TAB2: variants seen among roughly 807,000 people sequenced by gnomAD.
TAB2 encodes TGF-beta activated kinase 1 (MAP3K7) binding protein 2, also known as TGF-beta-activated kinase 1 and MAP3K7-binding protein 2.
A neutral mutation model predicts 65.0 loss-of-function variants in TAB2; 3 were observed. That is an observed-to-expected ratio of 0.05 (90% CI 0.02 to 0.12). TAB2 has a LOEUF of 0.12. Among genes scored for constraint, TAB2 ranks in the 10% least tolerant of loss-of-function variants. The pLI is 1.00. For missense variants in TAB2, 623 were observed against 840.3 expected (o/e 0.74, Z 3.20); for synonymous variants, 298 against 285.1 (o/e 1.05, Z -0.46).
chr6:149,217,978 A>G (rs1473278830), upstream of TAB2: 1 of 152,182 alleles, frequency 6.6e-6, no homozygotes, highest in African/African-American at 2.4e-5. Flanking sequence ...AGCTGGAGCA[A>G]CAGTCTCAGA....
At chr6:149,365,618 C>T (rs962201316) in intron 1 of TAB2, among the ~76,000 whole-genome samples, 2 of 151,676 alleles carry the variant, frequency 1.3e-5, no homozygotes, top group African/African-American at 4.8e-5. Flanking sequence ...TTTTTCTATT[C>T]GGGATTTGCT....
Position 149,411,461 on chromosome 6 carries a change from A to C in TAB2, c.*1742A>C, listed in dbSNP as rs1440543680. 6.5e-6 allele frequency: 1 copy of C among 152,710 alleles called. No individual in the cohort carries two copies. Among genetic ancestry groups the C allele is most frequent in the Non-Finnish European group, 1.5e-5 (1 of 68,038 alleles). 9.5% of individuals were successfully genotyped at this position (152,710 alleles called of 1,614,324 possible). A position where few individuals can be genotyped will look rare whatever the true frequency, so the allele number is the denominator to read the frequency against. On this transcript the variant is annotated 3_prime_UTR_variant, in exon 7 of 7. Coordinates refer to ENST00000637181, the MANE Select transcript of TAB2 (RefSeq NM_001292034.3). ...GTTTTTCAGCTTCATCTGCAGTTCT[A>C]TGTGAAGATTGATAAATCAGTTTTT...
intron 1 of TAB2, among the ~76,000 whole-genome samples, chr6:149,352,360 GT>G (rs960946069): frequency 2.0e-5 from 3 of 152,116 alleles, no homozygotes; most frequent in African/African-American, 7.2e-5. Flanking sequence ...TGCAGAATCT[GT>G]TTGTGTATAC....
intron 1 of TAB2, among the ~76,000 whole-genome samples, chr6:149,308,160 G>T (rs1336074232): frequency 6.6e-6 from 1 of 152,116 alleles, no homozygotes; most frequent in Non-Finnish European, 1.5e-5. Flanking sequence ...ACTATTATAA[G>T]GAAGGTTGAG....
chr6:149,362,314 G>A lies in TAB2; in HGVS notation c.-89-7595G>A, dbSNP rs549685332. Among the ~76,000 whole-genome samples the A allele has an allele frequency of 4.6e-5, 7 of 152,320 alleles. No individual in the cohort carries two copies. In the South Asian group the frequency reaches 1.0e-3, roughly 23 times the overall value. On this transcript the variant is annotated intron_variant, in intron 1 of 6. Transcript: ENST00000637181. ...AAGCATGGTGCTGGGCATCTGCTTC[G>A]CTTCTGGCGGGACCTCAGGAAGCTT...
rs762769341 is a variant in TAB2 at position 149,397,721 on chromosome 6, G to A, written c.1721G>A (p.Arg574Gln). 80 of 1,613,772 alleles carry A rather than the reference G, an allele frequency of 5.0e-5. No individual in the cohort carries two copies. Among genetic ancestry groups the A allele is most frequent in the South Asian group, 6.6e-5 (6 of 91,070 alleles). ...AATGAAATGGAAAATAATCTAACTC[G>A]AAGGCGCCTGAAAAGATCAAATTCT... Reference protein sequence around the residue: ...EVNEMENNLTRRRLKRSNSIS... With the variant: ...EVNEMENNLTQRRLKRSNSIS... Residue 574 changes from arginine (R) to glutamine (Q), a missense_variant, in exon 4 of 7, where the codon CGA becomes CAA. This residue lies in a region of TAB2 where 550 missense variants were observed against 665.7 expected (regional missense o/e 0.83). Coordinates refer to ENST00000637181, the MANE Select transcript of TAB2 (RefSeq NM_001292034.3).
upstream of TAB2, among the ~76,000 whole-genome samples, chr6:149,317,023 C>T (rs1779271440): frequency 6.6e-6 from 1 of 150,580 alleles, no homozygotes; most frequent in South Asian, 2.1e-4. The surrounding 1 kb of genome is among the most constrained non-coding windows in gnomAD (Gnocchi z 4.7). Flanking sequence ...TCCTCTCGGC[C>T]GCCGCAGCGC....
At chr6:149,330,823 C>G in intron 1 of TAB2, among the ~76,000 whole-genome samples, 1 of 152,018 alleles carries the variant, frequency 6.6e-6, no homozygotes, top group East Asian at 1.9e-4. Context: ...TGGATTGTGC[C>G]TTTCTTGTCA....
At chr6:149,256,787 T>C (rs149732224) in intron 1 of TAB2, among the ~76,000 whole-genome samples, 1 of 152,198 alleles carries the variant, frequency 6.6e-6, no homozygotes, top group Non-Finnish European at 1.5e-5. Flanking sequence ...AGCCTTTATA[T>C]TAGAGTTTTC....
intron 6 of TAB2, 75 bp downstream of exon 6, chr6:149,399,259 A>G (rs1782283745): frequency 9.2e-7 from 1 of 1,091,450 alleles, no homozygotes; most frequent in Admixed American, 1.9e-5. Context: ...CTGTTCAGCA[A>G]CCTTCCTCTC....
At chr6:149,310,334 CA>C (rs1779146970) in intron 1 of TAB2, among the ~76,000 whole-genome samples, 1 of 151,866 alleles carries the variant, frequency 6.6e-6, no homozygotes, top group African/African-American at 2.4e-5. Context: ...GACCCCATCT[CA>C]AAACAAAAAC....
At chr6:149,236,167 T>C (rs1394456880) in intron 1 of TAB2, among the ~76,000 whole-genome samples, 1 of 152,140 alleles carries the variant, frequency 6.6e-6, no homozygotes, top group Non-Finnish European at 1.5e-5. Context: ...CGCACTAAAA[T>C]ACCAGGCTTC....
chr6:149,375,760 T>G (rs1279474055), intron 2 of TAB2, among the ~76,000 whole-genome samples: 1 of 152,182 alleles, frequency 6.6e-6, no homozygotes, highest in Non-Finnish European at 1.5e-5. Flanking sequence ...ATAGGAATCG[T>G]TGATAAAGAT....
intron 1 of TAB2, among the ~76,000 whole-genome samples, chr6:149,362,861 TA>T (rs1352249267): frequency 6.6e-6 from 1 of 152,164 alleles, no homozygotes; most frequent in Non-Finnish European, 1.5e-5. Context: ...TCTAAATCTA[TA>T]ACTTAAGTAC....
intron 3 of TAB2, among the ~76,000 whole-genome samples, chr6:149,385,832 A>G (rs1781789967): frequency 6.6e-6 from 1 of 152,212 alleles, no homozygotes; most frequent in East Asian, 1.9e-4. Flanking sequence ...CATTAAATTA[A>G]TACCTTTAAA....
intron 1 of TAB2, among the ~76,000 whole-genome samples, chr6:149,266,269 CCGTGTGTCTGTGTCTTTGTA>C (rs1461488787): frequency 1.2e-4 from 18 of 152,150 alleles, no homozygotes; most frequent in Admixed American, 1.0e-3. Context: ...CACAGGTTGT[CCGTGTGTCTGTGTCTTTGTA>C]CGTGTGTCTG....
At chr6:149,266,199 C>T (rs986065279) in intron 1 of TAB2, among the ~76,000 whole-genome samples, 7 of 152,144 alleles carry the variant, frequency 4.6e-5, no homozygotes, top group Admixed American at 3.9e-4. Flanking sequence ...ATGTGTGAAC[C>T]GTACAAGGAC....
At chr6:149,377,447 C>G (rs570493267) in intron 2 of TAB2, among the ~76,000 whole-genome samples, 1 of 151,756 alleles carries the variant, frequency 6.6e-6, no homozygotes, top group Admixed American at 6.6e-5. Context: ...TACCTTGAGC[C>G]TCCAGAGAGA....
chr6:149,250,065 A>G (rs1777827459), intron 1 of TAB2, among the ~76,000 whole-genome samples: 1 of 151,948 alleles, frequency 6.6e-6, no homozygotes, highest in South Asian at 2.1e-4. Flanking sequence ...ACATAGCAAA[A>G]CTCAATGAGA....
Sources: gnomAD v4.1 joint callset for allele counts (sites outside exome capture counted in the v4.1 genomes callset) on GRCh38, gnomAD v4.1.1 for gene constraint, gnomAD v4.1.1 regional missense constraint, Gnocchi (gnomAD v3.1) non-coding constraint, MANE v1.5 for transcripts, NCBI Gene and HGNC (gene_info 2026-07-23, HGNC 2026-07-21) for gene names.